The following ACOT7 variants were observed in gnomAD, a reference collection of about 807,000 sequenced individuals.
ACOT7 encodes the protein cytosolic acyl coenzyme A thioester hydrolase.
ACOT7 carries 12 observed loss-of-function variants against 40.2 expected under a neutral mutation model. The ratio of observed to expected loss-of-function variants is 0.30; its 90% confidence interval spans 0.19 to 0.48. The LOEUF (loss-of-function observed/expected upper bound fraction) is 0.48. Ranked by LOEUF, ACOT7 falls within the 20% of genes least tolerant of loss-of-function variation. ACOT7 has a pLI of 0.99. For missense variants in ACOT7, 395 were observed against 530.8 expected, an observed-to-expected ratio of 0.74 and a Z score of 2.51; for synonymous variants, 228 against 219.5, an observed-to-expected ratio of 1.04 and a Z score of -0.34.
At chr1:6,265,559 G>A (rs1350260434) in intron 8 of ACOT7, among the ~76,000 whole-genome samples, 1 of 152,158 alleles carries the variant, frequency 6.6e-6, no homozygotes, top group Non-Finnish European at 1.5e-5. Flanking sequence ...TGCCCAGGAC[G>A]GTCCTGGTTC....
At chr1:6,323,977 G>A (rs1640731118) in intron 5 of ACOT7, among the ~76,000 whole-genome samples, 1 of 151,840 alleles carries the variant, frequency 6.6e-6, no homozygotes. Flanking sequence ...CAGAGACGGA[G>A]GGTCCTCCCA....
intron 7 of ACOT7, among the ~76,000 whole-genome samples, chr1:6,284,453 G>A (rs963533570): frequency 1.3e-5 from 2 of 151,928 alleles, no homozygotes; most frequent in African/African-American, 4.8e-5. Flanking sequence ...GCACATGCCT[G>A]TAATCCCAGC....
At chr1:6,371,327 G>A (rs952002747) in intron 1 of ACOT7, among the ~76,000 whole-genome samples, 1 of 151,428 alleles carries the variant, frequency 6.6e-6, no homozygotes, top group African/African-American at 2.4e-5. Flanking sequence ...AAAGTCACCA[G>A]CTGTATAAGC....
At chr1:6,383,215 T>C (rs1571356693) in intron 1 of ACOT7, among the ~76,000 whole-genome samples, 1 of 132,780 alleles carries the variant, frequency 7.5e-6, no homozygotes, top group East Asian at 2.2e-4. Context: ...TGAGACGGAG[T>C]CTTGCTCTGT....
chr1:6,345,591 G>C (rs140383368), intron 2 of ACOT7, among the ~76,000 whole-genome samples: 1 of 152,320 alleles, frequency 6.6e-6, no homozygotes, highest in East Asian at 1.9e-4. Flanking sequence ...TCTGACATGC[G>C]GGGATAAGGC....
intron 1 of ACOT7, among the ~76,000 whole-genome samples, chr1:6,382,754 C>A (rs192348520): frequency 6.6e-6 from 1 of 151,786 alleles, no homozygotes; most frequent in East Asian, 1.9e-4. Flanking sequence ...GCTCAGTGAC[C>A]GAGACTGCAC....
At chr1:6,308,397 C>T (rs562047017) in intron 6 of ACOT7, among the ~76,000 whole-genome samples, 7 of 149,518 alleles carry the variant, frequency 4.7e-5, no homozygotes, top group Admixed American at 2.0e-4. Flanking sequence ...GAACTACAAC[C>T]GGGCAGAGGG....
intron 8 of ACOT7, among the ~76,000 whole-genome samples, chr1:6,276,477 G>C (rs1426331117): frequency 6.6e-6 from 1 of 151,952 alleles, no homozygotes. Flanking sequence ...GCAGCCCCCA[G>C]CATAAAATAT....
chr1:6,358,908 AG>A lies in ACOT7; in HGVS notation c.144-9043del. On this transcript the variant is annotated intron_variant, in intron 1 of 8. Transcript: ENST00000361521. This position sits in a 1 kb window ranked among gnomAD's most constrained non-coding sequence, Gnocchi z 4.1. ...GCGAGGGAGCAGGGAAGCATCACAG[AG>A]TCCTTGCCTGACCCAGGACTGTCCC... is the stretch of plus-strand genomic sequence containing the variant. 6.2e-7 allele frequency: 1 copy of A among 1,603,330 alleles called. No individual in the cohort carries two copies. Among genetic ancestry groups the A allele is most frequent in the Non-Finnish European group, 8.5e-7 (1 of 1,174,900 alleles).
intron 1 of ACOT7, among the ~76,000 whole-genome samples, chr1:6,381,506 G>A (rs1173040253): frequency 6.6e-6 from 1 of 151,296 alleles, no homozygotes. Flanking sequence ...CATTAGGATG[G>A]CAACTATCAA....
intron 5 of ACOT7, among the ~76,000 whole-genome samples, chr1:6,325,330 A>G (rs975347258): frequency 6.6e-5 from 10 of 152,000 alleles, no homozygotes; most frequent in African/African-American, 2.4e-4. Context: ...CCCGGGAGGC[A>G]GAGCTTGCAG....
chr1:6,357,923 G>C (rs919787981), intron 1 of ACOT7, among the ~76,000 whole-genome samples: 4 of 150,878 alleles, frequency 2.7e-5, no homozygotes, highest in African/African-American at 9.8e-5. Flanking sequence ...CTGGAATGCA[G>C]TGGCGTGATC....
chr1:6,269,759 C>A (rs1317304296), intron 8 of ACOT7, among the ~76,000 whole-genome samples: 2 of 152,240 alleles, frequency 1.3e-5, no homozygotes, highest in Non-Finnish European at 2.9e-5. Context: ...CTGTGAGGGC[C>A]CCACTGCTCT....
intron 4 of ACOT7, among the ~76,000 whole-genome samples, chr1:6,327,923 G>A (rs1057331645): frequency 2.0e-5 from 3 of 151,996 alleles, no homozygotes; most frequent in African/African-American, 4.8e-5. Flanking sequence ...ACAGGTGCCC[G>A]CCACCATGCC....
intron 6 of ACOT7, among the ~76,000 whole-genome samples, chr1:6,309,627 T>TACTTTTTCTTTGG (rs1553157668): frequency 1.3e-5 from 2 of 152,236 alleles, no homozygotes; most frequent in Non-Finnish European, 2.9e-5. Flanking sequence ...GTCCAGACGT[T>TACTTTTTCTTTGG]ACTTTTTCTT....
chr1:6,316,885 A>AGGTGC (rs1174660080), intron 6 of ACOT7, among the ~76,000 whole-genome samples: 2 of 152,148 alleles, frequency 1.3e-5, no homozygotes, highest in African/African-American at 4.8e-5. Context: ...AGTATCTGCA[A>AGGTGC]GGTGCCCCTT....
chr1:6,384,607 G>A (rs1642405045), intron 1 of ACOT7, among the ~76,000 whole-genome samples: 1 of 151,866 alleles, frequency 6.6e-6, no homozygotes, highest in Admixed American at 6.6e-5. Context: ...TACAATTCAA[G>A]TAAAGTCTGG....
rs540358932 is a variant in ACOT7 at position 6,328,019 on chromosome 1, G to A, written c.511-606C>T. Among the ~76,000 whole-genome samples, 48 of 152,192 alleles carry A rather than the reference G, an allele frequency of 3.2e-4. No homozygotes were observed. The South Asian group carries it at 9.8e-3, about 31-fold the overall frequency. On this transcript the variant is annotated intron_variant, in intron 4 of 8. Transcript: ENST00000361521. ...GATCTCTTGACCTTGCGATCTGCCC[G>A]CCTCAGCCTCCCAAAGTGCTGGGAT...
intron 5 of ACOT7, 129 bp downstream of exon 5, chr1:6,327,170 G>A: frequency 1.1e-6 from 1 of 930,702 alleles, no homozygotes; most frequent in Non-Finnish European, 1.6e-6. Flanking sequence ...CAGAGAAACT[G>A]GTTCCCGGAG....
Sources: gnomAD v4.1 joint callset for allele counts (sites outside exome capture counted in the v4.1 genomes callset) on GRCh38, gnomAD v4.1.1 for gene constraint, Gnocchi (gnomAD v3.1) non-coding constraint, MANE v1.5 for transcripts, NCBI Gene and HGNC (gene_info 2026-07-23, HGNC 2026-07-21) for gene names.